Variants in DNAAF4 observed in about 807,000 individuals in gnomAD.
The protein encoded by DNAAF4 is dynein axonemal assembly factor 4, also known as dynein assembly factor 4, axonemal.
A neutral mutation model predicts 51.8 loss-of-function variants in DNAAF4; 43 were observed. That is an observed-to-expected ratio of 0.83 (90% CI 0.65 to 1.07). DNAAF4 has a LOEUF of 1.07. Among genes scored for constraint, DNAAF4 ranks in the 50% least tolerant of loss-of-function variants. The probability of loss-of-function intolerance (pLI) is 0.00; values close to 1 mark genes in which losing one functional copy is unlikely to be tolerated. For synonymous variants in DNAAF4, 194 were observed against 165.6 expected (o/e 1.17, Z -1.32); for missense variants, 581 against 493.0 (o/e 1.18, Z -1.69).
rs375196590 is a variant in DNAAF4 at position 55,479,253 on chromosome 15, G to A, written c.405+11870C>T. On this transcript the variant is annotated intron_variant, in intron 4 of 9. Coordinates refer to ENST00000321149, the MANE Select transcript of DNAAF4 (RefSeq NM_130810.4). ...ACTCAGAGTACTTCCCAAGTGTTGC[G>A]GGAAGTCAGGGACCCCGAATGGAGG... Among the ~76,000 whole-genome samples the A allele has an allele frequency of 1.6e-4, 24 of 151,900 alleles. 1 individual carries two copies. Among genetic ancestry groups the A allele is most frequent in the South Asian group, 8.3e-4 (4 of 4,802 alleles).
intron 4 of DNAAF4, among the ~76,000 whole-genome samples, chr15:55,467,923 G>A (rs1164632162): frequency 2.6e-5 from 4 of 152,140 alleles, no homozygotes; most frequent in East Asian, 1.9e-4. Context: ...CCTAGTTGGT[G>A]TACATGATTG....
chr15:55,420,917 G>A (rs537077248), intron 7 of DNAAF4, among the ~76,000 whole-genome samples: 9 of 152,124 alleles, frequency 5.9e-5, no homozygotes, highest in African/African-American at 2.2e-4. Flanking sequence ...GGCCGGGCAC[G>A]GTGGCTTACA....
intron 4 of DNAAF4, among the ~76,000 whole-genome samples, chr15:55,484,641 G>A (rs918573638): frequency 2.6e-5 from 4 of 152,098 alleles, no homozygotes; most frequent in African/African-American, 9.7e-5. Flanking sequence ...ATAACTAATA[G>A]TATAGATAGA....
intron 4 of DNAAF4, among the ~76,000 whole-genome samples, chr15:55,471,604 C>T (rs2058256386): frequency 6.6e-6 from 1 of 151,606 alleles, no homozygotes; most frequent in African/African-American, 2.4e-5. Context: ...AGCTCCACCT[C>T]CCGGGTTCAT....
intron 6 of DNAAF4, among the ~76,000 whole-genome samples, chr15:55,444,653 C>T (rs570641355): frequency 1.9e-4 from 29 of 152,252 alleles, no homozygotes; most frequent in Non-Finnish European, 3.2e-4. Context: ...GCCATTTTTA[C>T]GATATTGATT....
In DNAAF4 at chr15:55,491,234, T is replaced by C; in HGVS notation, c.294A>G (p.Arg98=). ...CTTGTAAAATAGATTTTTCTCTAAT[T>C]CTTTGCATCATCTCTTTGTCAACTA... is the stretch of plus-strand genomic sequence containing the variant. ...VTGVDKEMMQ[R]IREKSILQAQ... is the part of the protein sequence containing the mutation. Residue 98 remains arginine, a synonymous_variant, in exon 4 of 10, where the codon AGA becomes AGG. Coordinates refer to ENST00000321149, the MANE Select transcript of DNAAF4 (RefSeq NM_130810.4). 1.2e-6 allele frequency: 2 copies of C among 1,613,054 alleles called. No individual in the cohort carries two copies. Among genetic ancestry groups the C allele is most frequent in the Non-Finnish European group, 1.7e-6 (2 of 1,179,702 alleles).
intron 4 of DNAAF4, among the ~76,000 whole-genome samples, chr15:55,478,787 G>C (rs2058369387): frequency 6.6e-6 from 1 of 152,150 alleles, no homozygotes; most frequent in Admixed American, 6.5e-5. Flanking sequence ...CCTTTCTGGA[G>C]TTGCATCCCC....
At chr15:55,470,091 G>A (rs1198061009) in intron 4 of DNAAF4, among the ~76,000 whole-genome samples, 1 of 148,212 alleles carries the variant, frequency 6.7e-6, no homozygotes, top group Non-Finnish European at 1.5e-5. Flanking sequence ...TCACTCCGTT[G>A]CCCAGGCTGG....
chr15:55,440,335 G>C (rs570663687), intron 6 of DNAAF4, among the ~76,000 whole-genome samples: 2 of 151,928 alleles, frequency 1.3e-5, no homozygotes, highest in Admixed American at 1.3e-4. Flanking sequence ...ATAGGCGTGA[G>C]CCACCACGCC....
chr15:55,443,596 G>A (rs2057750242), intron 6 of DNAAF4, among the ~76,000 whole-genome samples: 2 of 152,176 alleles, frequency 1.3e-5, no homozygotes, highest in Admixed American at 1.3e-4. Flanking sequence ...GGTATTTCTA[G>A]GTCTAGATCC....
In DNAAF4 at chr15:55,430,640, A is replaced by G. The variant is rs760865990; in HGVS notation, c.*30T>C. On this transcript the variant is annotated 3_prime_UTR_variant, in exon 10 of 10. Transcript: ENST00000321149. ...GCCTCCAGTTGTTTTTAAAAAACTT[A>G]TAACAATACTTAGTTACTTCTAATA... is the stretch of plus-strand genomic sequence containing the variant. The G allele has an allele frequency of 7.5e-6, 12 of 1,601,250 alleles. No homozygotes were observed. The highest frequency in any genetic ancestry group is 2.2e-5 in the South Asian group (2 of 89,328).
intron 3 of DNAAF4, among the ~76,000 whole-genome samples, chr15:55,493,752 G>T (rs1448302534): frequency 6.6e-6 from 1 of 152,114 alleles, no homozygotes; most frequent in African/African-American, 2.4e-5. Context: ...CACCCAGGTT[G>T]GAGTGCAGCA....
rs2058064373 is a variant in DNAAF4, at chr15:55,459,519, G to A, written c.637+7411C>T. Among the ~76,000 whole-genome samples the A allele has an allele frequency of 3.3e-5, 5 of 152,226 alleles. No individual in the cohort carries two copies. In the South Asian group the frequency reaches 8.3e-4, roughly 25 times the overall value. ...TCACATCTCAATACTGATATTGAAT[G>A]TAAATGGCCTAAATGCTCCACTTAA... On this transcript the variant is annotated intron_variant, in intron 5 of 9. Coordinates refer to ENST00000321149, the MANE Select transcript of DNAAF4 (RefSeq NM_130810.4).
At chr15:55,437,390 A>T (rs2057630540) in intron 7 of DNAAF4, among the ~76,000 whole-genome samples, 1 of 152,136 alleles carries the variant, frequency 6.6e-6, no homozygotes, top group African/African-American at 2.4e-5. Context: ...AAAATTGCCA[A>T]CTCCAGCTAA....
intron 7 of DNAAF4, among the ~76,000 whole-genome samples, chr15:55,422,376 A>C (rs1477823189): frequency 6.6e-6 from 1 of 152,208 alleles, no homozygotes; most frequent in Non-Finnish European, 1.5e-5. Context: ...GCCCAAATTG[A>C]AGATTATCAC....
chr15:55,474,837 A>T (rs2058314067), intron 4 of DNAAF4, among the ~76,000 whole-genome samples: 1 of 151,862 alleles, frequency 6.6e-6, no homozygotes, highest in South Asian at 2.1e-4. Context: ...AAAGTTAGCC[A>T]GGTGCAGTGG....
intron 5 of DNAAF4, among the ~76,000 whole-genome samples, chr15:55,460,210 T>C (rs1169732995): frequency 2.7e-5 from 4 of 149,392 alleles, no homozygotes; most frequent in African/African-American, 9.7e-5. Flanking sequence ...AGACAGAGTC[T>C]CACTCTGTCG....
chr15:55,498,414 A>G lies in DNAAF4; in HGVS notation c.-85T>C. On this transcript the variant is annotated 5_prime_UTR_variant, in exon 2 of 10. Coordinates refer to ENST00000321149, the MANE Select transcript of DNAAF4 (RefSeq NM_130810.4). The stretch of plus-strand genomic sequence containing the variant: ...AGGGAAGCTGGGGTTACCATGCGCC[A>G]GCCCTTCCGGGTCAGGCCGGCCGGG... 6.5e-7 allele frequency: 1 copy of G among 1,530,392 alleles called. No homozygotes were observed. Among genetic ancestry groups the G allele is most frequent in the Non-Finnish European group, 8.8e-7 (1 of 1,140,484 alleles). 94.8% of individuals were successfully genotyped at this position (1,530,392 alleles called of 1,614,324 possible). A position where few individuals can be genotyped will look rare whatever the true frequency, so the allele number is the denominator to read the frequency against.
Position 55,491,106 on chromosome 15 carries a change from G to A in DNAAF4, c.405+17C>T, listed in dbSNP as rs769744140. ...TATTATCTCTTTAGAGGACTTGCCT[G>A]TCATTCTGCAACTTACCTTCATCAT... On this transcript the variant is annotated intron_variant, in intron 4 of 9. Coordinates refer to ENST00000321149, the MANE Select transcript of DNAAF4 (RefSeq NM_130810.4). 1.9e-6 allele frequency: 3 copies of A among 1,613,822 alleles called. No individual in the cohort carries two copies. The highest frequency in any genetic ancestry group is 1.1e-5 in the South Asian group (1 of 91,018).
Sources: gnomAD v4.1 joint callset for allele counts (sites outside exome capture counted in the v4.1 genomes callset) on GRCh38, gnomAD v4.1.1 for gene constraint, MANE v1.5 for transcripts, NCBI Gene and HGNC (gene_info 2026-07-23, HGNC 2026-07-21) for gene names.